Variants in ROBO1 observed in about 807,000 individuals in gnomAD.
ROBO1 encodes roundabout homolog 1.
Under a neutral mutation model 195.9 loss-of-function variants are expected in ROBO1, and 149 were observed. The observed-to-expected ratio is 0.76, with a 90% confidence interval of 0.67 to 0.87. The LOEUF is 0.87. Among genes scored for constraint, ROBO1 ranks in the 40% least tolerant of loss-of-function variants. The pLI is 0.00. For synonymous variants in ROBO1, 816 were observed against 733.2 expected (o/e 1.11, Z -1.82); for missense variants, 1,933 against 2,068.3 (o/e 0.93, Z 1.27).
intron 3 of ROBO1, among the ~76,000 whole-genome samples, chr3:79,078,064 A>T (rs1382946617): frequency 1.3e-5 from 2 of 151,790 alleles, no homozygotes; most frequent in Admixed American, 1.3e-4. Flanking sequence ...TATCTTTGTG[A>T]TTCTAATATA....
chr3:79,506,350 A>G (rs1387179004), intron 2 of ROBO1, among the ~76,000 whole-genome samples: 1 of 152,224 alleles, frequency 6.6e-6, no homozygotes, highest in African/African-American at 2.4e-5. Context: ...TAATGAAATG[A>G]CAAATAATTA....
intron 2 of ROBO1, among the ~76,000 whole-genome samples, chr3:79,315,367 C>G (rs2033686458): frequency 1.3e-5 from 2 of 152,158 alleles, no homozygotes; most frequent in Non-Finnish European, 2.9e-5. Context: ...AGAATGAAAG[C>G]AGGAGACCAC....
At chr3:78,752,233 G>A (rs565754239) in intron 4 of ROBO1, among the ~76,000 whole-genome samples, 43 of 152,130 alleles carry the variant, frequency 2.8e-4, no homozygotes, top group African/African-American at 8.9e-4. Context: ...GAACACCAAC[G>A]TCATGCTGAT....
At chr3:79,466,922 G>A (rs113479098) in intron 2 of ROBO1, among the ~76,000 whole-genome samples, 15 of 152,218 alleles carry the variant, frequency 9.9e-5, no homozygotes, top group Admixed American at 7.2e-4. Flanking sequence ...TCAAAATGAC[G>A]AAGATGGTGG....
intron 16 of ROBO1, 189 bp downstream of exon 16, chr3:78,660,841 G>A (rs1707348253): frequency 2.0e-6 from 1 of 508,566 alleles, no homozygotes; most frequent in Admixed American, 3.5e-5. Flanking sequence ...ATTGAAGCAA[G>A]TCAACTATTA....
At chr3:79,446,929 T>C (rs1269621769) in intron 2 of ROBO1, among the ~76,000 whole-genome samples, 1 of 152,130 alleles carries the variant, frequency 6.6e-6, no homozygotes, top group Non-Finnish European at 1.5e-5. Flanking sequence ...GTTCAAGCAA[T>C]TCTCCTGCCT....
chr3:79,540,814 T>G (rs1451196785), intron 2 of ROBO1, among the ~76,000 whole-genome samples: 2 of 152,134 alleles, frequency 1.3e-5, no homozygotes, highest in Non-Finnish European at 2.9e-5. Context: ...AGGTGGAGAC[T>G]ACTTAAGGCC....
At chr3:79,301,470 A>G (rs1042800078) in intron 2 of ROBO1, among the ~76,000 whole-genome samples, 5 of 152,202 alleles carry the variant, frequency 3.3e-5, no homozygotes, top group Admixed American at 2.0e-4. Flanking sequence ...ATGTTAAGCA[A>G]TGCCCCTTAT....
chr3:79,353,320 G>C (rs1175883576), intron 2 of ROBO1, among the ~76,000 whole-genome samples: 2 of 151,840 alleles, frequency 1.3e-5, no homozygotes, highest in African/African-American at 4.8e-5. Context: ...GATTAAGGTA[G>C]AAATATAGAG....
At chr3:78,866,242 T>A (rs2035169892) in intron 4 of ROBO1, among the ~76,000 whole-genome samples, 1 of 152,228 alleles carries the variant, frequency 6.6e-6, no homozygotes, top group Non-Finnish European at 1.5e-5. Context: ...TGAATAACAA[T>A]CATTTGTCAA....
intron 4 of ROBO1, among the ~76,000 whole-genome samples, chr3:78,784,731 A>T (rs2083780560): frequency 6.6e-6 from 1 of 152,208 alleles, no homozygotes; most frequent in African/African-American, 2.4e-5. Context: ...GCATAGGTCA[A>T]CATTGGTCCT....
intron 27 of ROBO1, among the ~76,000 whole-genome samples, chr3:78,615,684 T>C (rs1230860718): frequency 6.6e-6 from 1 of 152,206 alleles, no homozygotes; most frequent in Non-Finnish European, 1.5e-5. Flanking sequence ...TCCAGAACTT[T>C]CTACTGTACC....
At chr3:79,218,040 G>A (rs1391157143) in intron 2 of ROBO1, among the ~76,000 whole-genome samples, 1 of 151,692 alleles carries the variant, frequency 6.6e-6, no homozygotes, top group East Asian at 1.9e-4. Context: ...TATTTTAGAA[G>A]ATTATATAAA....
At chr3:78,660,985 A>G (rs947913312) in intron 16 of ROBO1, 45 bp downstream of exon 16, 9 of 1,298,800 alleles carry the variant, frequency 6.9e-6, no homozygotes, top group Non-Finnish European at 9.7e-6. Context: ...AAATTCTAAC[A>G]AATATACTGC....
intron 8 of ROBO1, chr3:78,693,361 A>G (rs2081217861): frequency 6.5e-7 from 1 of 1,544,274 alleles, no homozygotes; most frequent in Non-Finnish European, 8.8e-7. Flanking sequence ...ACCCAACTAA[A>G]ACAAAACAAA....
intron 2 of ROBO1, among the ~76,000 whole-genome samples, chr3:79,575,187 T>G (rs1372111719): frequency 1.7e-4 from 19 of 113,214 alleles, no homozygotes; most frequent in Non-Finnish European, 2.6e-4. Flanking sequence ...ATATATAACA[T>G]ATATATAAAT....
chr3:79,351,473 G>A (rs2035339395), intron 2 of ROBO1, among the ~76,000 whole-genome samples: 1 of 152,046 alleles, frequency 6.6e-6, no homozygotes, highest in African/African-American at 2.4e-5. Context: ...GATTAGCAAA[G>A]TCATTTTTTT....
At chr3:79,142,525 T>G (rs1402262043) in intron 2 of ROBO1, among the ~76,000 whole-genome samples, 1 of 152,174 alleles carries the variant, frequency 6.6e-6, no homozygotes, top group Non-Finnish European at 1.5e-5. Flanking sequence ...TTGTATTATA[T>G]GCAGTATATG....
At chr3:78,867,088 G>A (rs1304143352) in intron 4 of ROBO1, among the ~76,000 whole-genome samples, 2 of 152,148 alleles carry the variant, frequency 1.3e-5, no homozygotes, top group African/African-American at 4.8e-5. Context: ...TGAAGTTTCT[G>A]TTTATCCTGG....
Sources: allele counts gnomAD v4.1 joint callset (sites outside exome capture counted in the v4.1 genomes callset), GRCh38; gene constraint gnomAD v4.1.1; transcripts MANE v1.5; gene names NCBI Gene and HGNC (gene_info 2026-07-23, HGNC 2026-07-21).